PCLO: variants seen among roughly 807,000 people sequenced by gnomAD.
PCLO encodes protein piccolo.
Under a neutral mutation model 427.5 loss-of-function variants are expected in PCLO, and 82 were observed. The observed-to-expected ratio is 0.19, with a 90% CI of 0.16 to 0.23. PCLO has a LOEUF of 0.23. Ranked by LOEUF, PCLO falls within the 10% of genes least tolerant of loss-of-function variation. The pLI, the probability that PCLO is intolerant of heterozygous loss-of-function variation, is 1.00. For missense variants in PCLO, 6,239 were observed against 6,115.9 expected, an observed-to-expected ratio of 1.02 and a Z score of -0.67; for synonymous variants, 2,357 against 2,155.4, an observed-to-expected ratio of 1.09 and a Z score of -2.59.
intron 3 of PCLO, 109 bp from the exon 4 acceptor site, chr7:82,966,596 T>C (rs572052513): frequency 1.3e-4 from 69 of 545,450 alleles, no homozygotes; most frequent in South Asian, 9.0e-4. Context: ...TTTTTGTACA[T>C]GGAGAAGGTG....
intron 3 of PCLO, among the ~76,000 whole-genome samples, chr7:83,001,257 A>C (rs1162788060): frequency 2.0e-5 from 3 of 151,972 alleles, no homozygotes; most frequent in African/African-American, 7.2e-5. Context: ...AAGATTCAAG[A>C]CGTACGGGTA....
At chr7:82,808,391 C>T (rs1325994941) in intron 20 of PCLO, among the ~76,000 whole-genome samples, 1 of 151,854 alleles carries the variant, frequency 6.6e-6, no homozygotes, top group East Asian at 1.9e-4. Context: ...TTTGGTTTTA[C>T]CTGATGCGAT....
intron 6 of PCLO, among the ~76,000 whole-genome samples, chr7:82,933,202 T>C (rs1794878811): frequency 6.6e-6 from 1 of 152,008 alleles, no homozygotes; most frequent in Admixed American, 6.6e-5. Flanking sequence ...GGACTAGTCT[T>C]TGAGTTGTTT....
rs140579563 is a variant in PCLO, at chr7:83,051,934, G to A, written c.3300+82316C>T. ...AAAGGAGCAACGGCAATTCAATGGA[G>A]AAAGGATGTTTTTTTTAACAAATGG... On this transcript the variant is annotated intron_variant, in intron 3 of 24. Transcript: ENST00000333891. Among the ~76,000 whole-genome samples, 67 of 152,114 alleles carry A rather than the reference G, an allele frequency of 4.4e-4. 1 individual carries two copies. In the East Asian group the frequency reaches 0.01, roughly 23 times the overall value.
intron 22 of PCLO, among the ~76,000 whole-genome samples, chr7:82,777,918 T>C (rs993016689): frequency 7.2e-5 from 11 of 151,906 alleles, no homozygotes; most frequent in East Asian, 1.9e-4. Context: ...AATTGACAAA[T>C]GGGATCTAAG....
chr7:83,093,845 G>T (rs1028536458), intron 3 of PCLO, among the ~76,000 whole-genome samples: 3 of 135,726 alleles, frequency 2.2e-5, no homozygotes, highest in African/African-American at 2.7e-5. Flanking sequence ...TTACTGATTT[G>T]TTTTTTTTTT....
chr7:83,037,182 T>G (rs1788815631), intron 3 of PCLO, among the ~76,000 whole-genome samples: 1 of 152,158 alleles, frequency 6.6e-6, no homozygotes, highest in Non-Finnish European at 1.5e-5. Context: ...TATAGCAGGT[T>G]GCTAGGCTAC....
In PCLO at chr7:82,951,063, A is replaced by C. The variant is rs778410577; in HGVS notation, c.9525T>G (p.Ala3175=). The C allele has an allele frequency of 6.2e-7, 1 of 1,613,912 alleles. No individual in the cohort carries two copies. Among genetic ancestry groups the C allele is most frequent in the Non-Finnish European group, 8.5e-7 (1 of 1,179,834 alleles). ...LQTITMESLT[A]ETIDSVPTLT... is the part of the protein sequence containing the mutation. ...AAGTGGGAACAGAGTCTATCGTCTC[A>C]GCAGTAAGAGACTCCATAGTAATAG... Residue 3175 remains alanine (A), a synonymous_variant, in exon 6 of 25, where the codon GCT becomes GCG. Transcript: ENST00000333891.
At chr7:82,778,657 T>C (rs1790806421) in intron 22 of PCLO, among the ~76,000 whole-genome samples, 1 of 152,142 alleles carries the variant, frequency 6.6e-6, no homozygotes, top group Non-Finnish European at 1.5e-5. Flanking sequence ...CATTCACAGT[T>C]ATTTTTTGTT....
intron 20 of PCLO, chr7:82,820,739 A>T: frequency 8.1e-7 from 1 of 1,231,528 alleles, no homozygotes. Flanking sequence ...TCCACATTCC[A>T]ACTGGTAGGC....
At chr7:82,892,087 A>G (rs940705513) in intron 9 of PCLO, among the ~76,000 whole-genome samples, 1 of 152,142 alleles carries the variant, frequency 6.6e-6, no homozygotes, top group Admixed American at 6.6e-5. Context: ...TTTAAAGTTC[A>G]TATGGAACCA....
intron 3 of PCLO, among the ~76,000 whole-genome samples, chr7:83,096,860 A>ATATATT (rs1261318051): frequency 1.2e-5 from 1 of 83,182 alleles, no homozygotes; most frequent in African/African-American, 6.0e-5. Flanking sequence ...TATATATAAA[A>ATATATT]ATATATTATA....
At chr7:82,787,331 T>C (rs185343082) in intron 22 of PCLO, among the ~76,000 whole-genome samples, 1 of 152,290 alleles carries the variant, frequency 6.6e-6, no homozygotes, top group Non-Finnish European at 1.5e-5. Context: ...ATTTCTCTAA[T>C]GACCAGTGAT....
At position 83,044,270 on chromosome 7, in the gene PCLO, A is replaced by G. The variant is rs893958364; in HGVS notation, c.3301-77783T>C. On this transcript the variant is annotated intron_variant, in intron 3 of 24. Transcript: ENST00000333891. ...TCCGTCCAGGTCCTTCCCTCCACACATGGCGATTACAATTGGAGATAAGAT... is the reference window on the plus strand; with the variant it reads ...TCCGTCCAGGTCCTTCCCTCCACACGTGGCGATTACAATTGGAGATAAGAT... Among the ~76,000 whole-genome samples the G allele has an allele frequency of 4.6e-5, 7 of 152,146 alleles. No homozygotes were observed. The South Asian group carries it at 1.2e-3, about 27-fold the overall frequency.
chr7:82,993,526 GT>G (rs1175563689), intron 3 of PCLO, among the ~76,000 whole-genome samples: 11 of 151,900 alleles, frequency 7.2e-5, no homozygotes, highest in African/African-American at 2.7e-4. Flanking sequence ...CTCTTTCACG[GT>G]AGGAAAAATA....
intron 3 of PCLO, among the ~76,000 whole-genome samples, chr7:83,029,363 C>T (rs1788597639): frequency 6.6e-6 from 1 of 151,172 alleles, no homozygotes; most frequent in Non-Finnish European, 1.5e-5. Flanking sequence ...TGAAAAAATG[C>T]TCATCATCAC....
chr7:83,001,567 G>A (rs1353744612), intron 3 of PCLO, among the ~76,000 whole-genome samples: 1 of 151,446 alleles, frequency 6.6e-6, no homozygotes, highest in Non-Finnish European at 1.5e-5. Context: ...GACTTAATCA[G>A]ATACTTATTC....
At chr7:83,132,421 A>G (rs1384432034) in intron 3 of PCLO, among the ~76,000 whole-genome samples, 1 of 152,154 alleles carries the variant, frequency 6.6e-6, no homozygotes, top group East Asian at 1.9e-4. Flanking sequence ...AATTCCACAC[A>G]TGTCCTTTGT....
intron 3 of PCLO, among the ~76,000 whole-genome samples, chr7:83,043,850 C>T (rs1022784183): frequency 1.3e-5 from 2 of 149,932 alleles, no homozygotes; most frequent in African/African-American, 2.4e-5. Flanking sequence ...GAAATCATAA[C>T]CTTGTTTTCT....
Sources: allele counts gnomAD v4.1 joint callset (sites outside exome capture counted in the v4.1 genomes callset), GRCh38; gene constraint gnomAD v4.1.1; transcripts MANE v1.5; gene names NCBI Gene and HGNC (gene_info 2026-07-23, HGNC 2026-07-21).